Variants in HESX1 observed in about 807,000 individuals in gnomAD.
The protein encoded by HESX1 is homeobox expressed in ES cells 1.
HESX1 carries 11 observed loss-of-function variants against 22.5 expected under a neutral mutation model. That is an observed-to-expected ratio of 0.49 (90% CI 0.31 to 0.81). The LOEUF is 0.81. Among genes scored for constraint, HESX1 ranks in the 30% least tolerant of loss-of-function variants. The probability of loss-of-function intolerance (pLI) is 0.05; values close to 1 mark genes in which losing one functional copy is unlikely to be tolerated. For synonymous variants in HESX1, 74 were observed against 76.5 expected (o/e 0.97, Z 0.17); for missense variants, 201 against 212.6 (o/e 0.95, Z 0.34).
intron 1 of HESX1, among the ~76,000 whole-genome samples, chr3:57,223,193 G>T (rs367851573): frequency 1.0e-3 from 158 of 152,252 alleles, no homozygotes; most frequent in African/African-American, 3.4e-3. Context: ...ACTAAACAGT[G>T]GAGCCAGAAT....
intron 1 of HESX1, among the ~76,000 whole-genome samples, chr3:57,220,073 C>T (rs1209586576): frequency 6.6e-6 from 1 of 152,132 alleles, no homozygotes; most frequent in Non-Finnish European, 1.5e-5. Flanking sequence ...CCAGATAGTC[C>T]AGCACCATTT....
intron 1 of HESX1, among the ~76,000 whole-genome samples, chr3:57,215,385 T>C (rs1559501368): frequency 6.6e-6 from 1 of 152,322 alleles, no homozygotes; most frequent in South Asian, 2.1e-4. Context: ...TATTTTACTT[T>C]GAGTGCCCAG....
intron 1 of HESX1, among the ~76,000 whole-genome samples, chr3:57,210,958 C>G (rs2060549584): frequency 6.6e-6 from 1 of 152,240 alleles, no homozygotes; most frequent in South Asian, 2.1e-4. Flanking sequence ...GTGGCTCATG[C>G]CTATAATCTC....
rs1385268723 is a variant in HESX1 at position 57,198,831 on chromosome 3, G to A, written c.279C>T (p.Ala93=). 2 of 1,614,084 alleles carry A rather than the reference G, an allele frequency of 1.2e-6. No individual in the cohort carries two copies. The highest frequency in any genetic ancestry group is 1.7e-6 in the Non-Finnish European group (2 of 1,179,966). ...CTCTTTTCAAAGACAGTCTTTCTGA[G>A]GCTGAAAAGTAATTTTCATATTTCG... ...RASKYENYFS[A]SERLSLKREL... Residue 93 remains alanine, a synonymous_variant, in exon 2 of 4, where the codon GCC becomes GCT. Coordinates refer to ENST00000295934, the MANE Select transcript of HESX1 (RefSeq NM_003865.3).
chr3:57,214,202 GAA>G (rs1335529786), intron 1 of HESX1, among the ~76,000 whole-genome samples: 3 of 152,198 alleles, frequency 2.0e-5, no homozygotes, highest in Non-Finnish European at 2.9e-5. Context: ...AGAAAACCAA[GAA>G]AGAGATAATT....
chr3:57,209,576 G>T (rs2060540691), intron 1 of HESX1, among the ~76,000 whole-genome samples: 1 of 150,730 alleles, frequency 6.6e-6, no homozygotes, highest in Non-Finnish European at 1.5e-5. Context: ...GGTGGAGGTT[G>T]CAGTGAGCTG....
intron 1 of HESX1, among the ~76,000 whole-genome samples, chr3:57,219,913 C>T (rs1055646617): frequency 3.3e-5 from 5 of 152,182 alleles, no homozygotes; most frequent in African/African-American, 1.2e-4. Context: ...AAATCTTTGC[C>T]TAATCCTATG....
chr3:57,212,787 T>C (rs368965094), intron 1 of HESX1, among the ~76,000 whole-genome samples: 14 of 152,110 alleles, frequency 9.2e-5, no homozygotes, highest in Admixed American at 2.6e-4. Flanking sequence ...AGGATGCACA[T>C]ATGCACATAT....
Position 57,198,934 on chromosome 3 carries a change from C to G in HESX1, c.176G>C (p.Cys59Ser), listed in dbSNP as rs2060465966. The part of the protein sequence containing the change: ...CSSSGKDGNL[C>S]LHVPNPPSGI... ...ACTGGGAGGATTTGGGACATGTAGA[C>G]ATAAGTTACCATCTTTCCCTAAAAA... Residue 59 changes from cysteine to serine, a missense_variant, in exon 2 of 4, where the codon TGT becomes TCT. Cys to Ser is a moderately radical substitution (Grantham distance 112). Coordinates refer to ENST00000295934, the MANE Select transcript of HESX1 (RefSeq NM_003865.3). The G allele has an allele frequency of 7.4e-6, 12 of 1,614,124 alleles. No homozygotes were observed. The highest frequency in any genetic ancestry group is 1.0e-5 in the Non-Finnish European group (12 of 1,180,000).
upstream of HESX1, among the ~76,000 whole-genome samples, chr3:57,201,927 CTATT>C (rs1312669717): frequency 6.2e-5 from 8 of 128,834 alleles, no homozygotes; most frequent in South Asian, 1.4e-3. Context: ...ATCTATCTAT[CTATT>C]TTTTTGAGAC....
At chr3:57,212,256 AT>A (rs10707357) in intron 1 of HESX1, among the ~76,000 whole-genome samples, 10,686 of 152,092 alleles carry the variant, frequency 0.07, 1,259 homozygotes, top group African/African-American at 0.24. Flanking sequence ...ATGCATTTTT[AT>A]TTTTAAAAGA....
At chr3:57,218,441 T>A (rs1426163168) in intron 1 of HESX1, among the ~76,000 whole-genome samples, 1 of 64,486 alleles carries the variant, frequency 1.6e-5, no homozygotes, top group East Asian at 4.9e-3. Flanking sequence ...ATCTCATTCT[T>A]TTTTTTTTTT....
Position 57,198,194 on chromosome 3 carries a change from T to C in HESX1, c.*3A>G. On this transcript the variant is annotated 3_prime_UTR_variant, in exon 4 of 4. Transcript: ENST00000295934. ...AGATAATTTCACTTGTTTAGTTTTC[T>C]ATCTATTCCAGCAGATTTGTGTTGA... 1 of 1,549,926 alleles carries C rather than the reference T, an allele frequency of 6.5e-7. No homozygotes were observed. Among genetic ancestry groups the C allele is most frequent in the Non-Finnish European group, 8.9e-7 (1 of 1,122,074 alleles).
At position 57,198,449 on chromosome 3, in the gene HESX1, C is replaced by G. The variant is rs1292127844; in HGVS notation, c.401G>C (p.Gly134Ala). The change falls in exon 3 of 4, where the codon GGT (glycine) becomes GCT (alanine). Residue 134 changes from glycine to alanine, a missense_variant. Coordinates refer to ENST00000295934, the MANE Select transcript of HESX1 (RefSeq NM_003865.3). ...AGCTAAGTCTTCTCTAATATCGATACCAGGATAGCAGTTTACTCTAAAGAC... is the reference window on the plus strand; with the variant it reads ...AGCTAAGTCTTCTCTAATATCGATAGCAGGATAGCAGTTTACTCTAAAGAC... The part of the protein sequence containing the change: ...ENVFRVNCYP[G>A]IDIREDLAQK... The G allele has an allele frequency of 1.9e-6, 3 of 1,606,604 alleles. No homozygotes were observed. The highest frequency in any genetic ancestry group is 2.6e-6 in the Non-Finnish European group (3 of 1,173,880).
chr3:57,203,976 C>T (rs898162666), upstream of HESX1, among the ~76,000 whole-genome samples: 7 of 152,116 alleles, frequency 4.6e-5, no homozygotes, highest in Admixed American at 1.3e-4. Flanking sequence ...GTGCTTTTGA[C>T]TTCACTGTGA....
chr3:57,223,838 A>G (rs989186815), intron 1 of HESX1, among the ~76,000 whole-genome samples: 2 of 152,220 alleles, frequency 1.3e-5, no homozygotes, highest in Non-Finnish European at 2.9e-5. Context: ...TAAAAGGAGT[A>G]TGAATTTCCC....
At chr3:57,203,664 C>T (rs1255816233), upstream of HESX1, among the ~76,000 whole-genome samples, 1 of 152,134 alleles carries the variant, frequency 6.6e-6, no homozygotes, top group African/African-American at 2.4e-5. Flanking sequence ...AAGTGATTCT[C>T]CTGCTTCAGC....
upstream of HESX1, among the ~76,000 whole-genome samples, chr3:57,204,712 T>A (rs1249455894): frequency 6.6e-6 from 1 of 150,904 alleles, no homozygotes; most frequent in Non-Finnish European, 1.5e-5. Context: ...GGTAGGAGGA[T>A]CCCTTGAGCC....
upstream of HESX1, among the ~76,000 whole-genome samples, chr3:57,202,830 G>A (rs542833830): frequency 1.3e-5 from 2 of 152,332 alleles, no homozygotes; most frequent in East Asian, 3.9e-4. Context: ...TGGTGGAGGA[G>A]GGCCTAAGGA....
Sources: allele counts gnomAD v4.1 joint callset (sites outside exome capture counted in the v4.1 genomes callset), GRCh38; gene constraint gnomAD v4.1.1; transcripts MANE v1.5; gene names NCBI Gene and HGNC (gene_info 2026-07-23, HGNC 2026-07-21).